The following ZNF568 variants were observed in gnomAD, a reference collection of about 807,000 sequenced individuals.
ZNF568 encodes p53 inhibitor of SCO2 activation.
In ZNF568, 11 loss-of-function variants were observed where a neutral mutation model predicts 18.1. The observed-to-expected ratio is 0.61, with a 90% CI of 0.38 to 1.00. The LOEUF (loss-of-function observed/expected upper bound fraction) is 1.00. Among genes scored for constraint, ZNF568 ranks in the 50% least tolerant of loss-of-function variants. ZNF568 has a pLI of 0.01. For synonymous variants in ZNF568, 213 were observed against 246.6 expected, an observed-to-expected ratio of 0.86 and a Z score of 1.28; for missense variants, 639 against 768.2, an observed-to-expected ratio of 0.83 and a Z score of 1.99.
At chr19:36,974,057 T>C (rs2074260231) in intron 6 of ZNF568, among the ~76,000 whole-genome samples, 1 of 152,186 alleles carries the variant, frequency 6.6e-6, no homozygotes, top group Non-Finnish European at 1.5e-5. Context: ...ACCAGGGATC[T>C]AGACCCATAA....
intron 4 of ZNF568, among the ~76,000 whole-genome samples, chr19:36,927,075 T>C (rs1212918415): frequency 6.6e-6 from 1 of 152,218 alleles, no homozygotes; most frequent in Non-Finnish European, 1.5e-5. Context: ...TATTAGGACT[T>C]AGGATTTATG....
At chr19:36,918,644 T>A (rs951438600) in intron 2 of ZNF568, among the ~76,000 whole-genome samples, 38 of 152,154 alleles carry the variant, frequency 2.5e-4, no homozygotes, top group African/African-American at 9.2e-4. Flanking sequence ...ATACACAACA[T>A]AGAATTTACC....
chr19:36,917,096 A>G (rs1257068646), intron 1 of ZNF568, among the ~76,000 whole-genome samples: 1 of 152,214 alleles, frequency 6.6e-6, no homozygotes, highest in Non-Finnish European at 1.5e-5. Flanking sequence ...ACTCAATGCC[A>G]TACAACAGCA....
Position 36,950,430 on chromosome 19 carries a change from CCTT to C in ZNF568, c.1280_1282del (p.Phe427del). The C allele has an allele frequency of 1.2e-6, 2 of 1,613,308 alleles. No homozygotes were observed. Among genetic ancestry groups the C allele is most frequent in the South Asian group, 1.1e-5 (1 of 91,038 alleles). On this transcript the variant is annotated inframe_deletion, in exon 7 of 7. Transcript: ENST00000333987. ...TATGTATGTAGTGAATGTGGGAAAG[CCTT>C]CTCTCAGAGTTCATCCCTAACCGTA...
rs139263656 is a variant in ZNF568, at chr19:36,996,352, C to A, written c.265C>A (p.Pro89Thr). The change falls in exon 5 of 5, where the codon CCA (proline) becomes ACA (threonine). Residue 89 changes from proline (P) to threonine (T), a missense_variant. Coordinates refer to the ZNF568 transcript ENST00000433993. Reference sequence around the variant, plus strand: ...TGGAAGAGAAACCAAGAATTTATCTCCAAAGGAAAACATTTATGAAATTAG... The same window carrying A: ...TGGAAGAGAAACCAAGAATTTATCTACAAAGGAAAACATTTATGAAATTAG... 359 of 1,532,582 alleles carry A rather than the reference C, an allele frequency of 2.3e-4. No homozygotes were observed. The African/African-American group carries it at 4.4e-3, about 19-fold the overall frequency. 94.9% of individuals were successfully genotyped at this position (1,532,582 alleles called of 1,614,324 possible).
In ZNF568 at chr19:36,950,738, C is replaced by T; in HGVS notation, c.1585C>T (p.Pro529Ser). The change falls in exon 7 of 7, where the codon CCT becomes TCT. Residue 529 changes from proline (P) to serine (S), a missense_variant. Transcript: ENST00000333987. The part of the protein sequence containing the change: ...EHEKIHTGEK[P>S]YHCNQCGKAF... ...TGAGAAAATTCATACTGGAGAGAAA[C>T]CTTATCATTGTAATCAATGTGGGAA... 6.2e-7 allele frequency: 1 copy of T among 1,613,668 alleles called. No individual in the cohort carries two copies.
At chr19:36,941,173 T>C (rs2073873636) in intron 6 of ZNF568, among the ~76,000 whole-genome samples, 1 of 152,158 alleles carries the variant, frequency 6.6e-6, no homozygotes, top group Non-Finnish European at 1.5e-5. Flanking sequence ...AATATGAAGG[T>C]TAAAACACAT....
rs139263656 is a variant in ZNF568, at chr19:36,996,352, C to G, written c.265C>G (p.Pro89Ala). The change falls in exon 5 of 5, where the codon CCA (proline) becomes GCA (alanine). Residue 89 changes from proline (P) to alanine (A), a missense_variant. Coordinates refer to the ZNF568 transcript ENST00000433993. ...TGGAAGAGAAACCAAGAATTTATCT[C>G]CAAAGGAAAACATTTATGAAATTAG... 8 of 1,532,468 alleles carry G rather than the reference C, an allele frequency of 5.2e-6. No homozygotes were observed. In the East Asian group the frequency reaches 2.0e-4, roughly 37 times the overall value. 94.9% of individuals were successfully genotyped at this position (1,532,468 alleles called of 1,614,324 possible).
At chr19:36,939,545 T>C (rs1366104573) in intron 6 of ZNF568, among the ~76,000 whole-genome samples, 2 of 140,436 alleles carry the variant, frequency 1.4e-5, no homozygotes, top group African/African-American at 5.4e-5. Flanking sequence ...TTTTTTTTTT[T>C]TTTTTTTTTT....
At chr19:36,927,414 T>C (rs914596989) in intron 4 of ZNF568, among the ~76,000 whole-genome samples, 4 of 152,160 alleles carry the variant, frequency 2.6e-5, no homozygotes, top group Admixed American at 2.6e-4. Flanking sequence ...AGTAGAATTA[T>C]CTTTGCATGT....
chr19:36,965,017 G>T (rs2074184149), intron 6 of ZNF568, among the ~76,000 whole-genome samples: 1 of 152,114 alleles, frequency 6.6e-6, no homozygotes, highest in South Asian at 2.1e-4. Context: ...AGAGGGACTT[G>T]TATCTATACA....
At chr19:36,960,875 G>T (rs894368081) in intron 6 of ZNF568, among the ~76,000 whole-genome samples, 2 of 151,852 alleles carry the variant, frequency 1.3e-5, no homozygotes, top group African/African-American at 4.8e-5. Flanking sequence ...ATTCCGTTGT[G>T]GTCTAAGATA....
chr19:36,946,756 G>C (rs770220010), intron 6 of ZNF568, among the ~76,000 whole-genome samples: 25 of 140,128 alleles, frequency 1.8e-4, no homozygotes, highest in Admixed American at 7.5e-4. Flanking sequence ...AGGTTCACGC[G>C]ATTCTCCTGC....
chr19:36,962,284 T>TTTG (rs1568399335), intron 6 of ZNF568, among the ~76,000 whole-genome samples: 3 of 138,100 alleles, frequency 2.2e-5, no homozygotes, highest in South Asian at 4.4e-4. Flanking sequence ...AGTGTTTTTT[T>TTTG]TTTTTTTTTT....
intron 4 of ZNF568, among the ~76,000 whole-genome samples, chr19:36,992,422 A>G (rs940938539): frequency 6.6e-6 from 1 of 151,676 alleles, no homozygotes; most frequent in Non-Finnish European, 1.5e-5. Context: ...GAATTGCTTG[A>G]TCCCAGGAGG....
chr19:36,933,897 AG>A (rs370131724), intron 4 of ZNF568, among the ~76,000 whole-genome samples: 68,859 of 112,590 alleles, frequency 0.61, 20,807 homozygotes, highest in African/African-American at 0.73. Flanking sequence ...TCTTTTGGGT[AG>A]GTTTTTTTTT....
chr19:36,930,146 C>G (rs2073660259), intron 4 of ZNF568, among the ~76,000 whole-genome samples: 1 of 150,954 alleles, frequency 6.6e-6, no homozygotes, highest in South Asian at 2.1e-4. Context: ...TTTATACAGT[C>G]AAAAATTAAA....
chr19:36,963,290 A>G (rs539525007), intron 6 of ZNF568, among the ~76,000 whole-genome samples: 3 of 152,318 alleles, frequency 2.0e-5, no homozygotes, highest in Non-Finnish European at 2.9e-5. Flanking sequence ...AGACCTGTCA[A>G]TTCAGTCTCA....
chr19:36,952,224 C>G lies in ZNF568; in HGVS notation c.*1136C>G, dbSNP rs10405984. The G allele has an allele frequency of 0.19, 47,829 of 248,160 alleles. 4,850 individuals carry two copies. The highest frequency in any genetic ancestry group is 0.28 in the South Asian group (1,813 of 6,572). 15.4% of individuals were successfully genotyped at this position (248,160 alleles called of 1,614,324 possible). On this transcript the variant is annotated 3_prime_UTR_variant, in exon 7 of 7. Coordinates refer to ENST00000333987, the MANE Select transcript of ZNF568 (RefSeq NM_198539.4). The stretch of plus-strand genomic sequence containing the variant: ...TTGGGAGGCTGATAGAAGAAGATAA[C>G]TTGAGGTCAGGAGTTCAAGACCAGC...
Sources: allele counts gnomAD v4.1 joint callset (sites outside exome capture counted in the v4.1 genomes callset), GRCh38; gene constraint gnomAD v4.1.1; transcripts MANE v1.5; gene names NCBI Gene and HGNC (gene_info 2026-07-23, HGNC 2026-07-21).